The following ARHGAP35 variants were observed in gnomAD, a reference collection of about 807,000 sequenced individuals.
ARHGAP35 encodes rho GTPase-activating protein 35.
In ARHGAP35, 15 loss-of-function variants were observed where a neutral mutation model predicts 111.1. The observed-to-expected ratio is 0.13, with a 90% CI of 0.09 to 0.21. ARHGAP35 has a LOEUF of 0.21. ARHGAP35 is among the 10% of genes least tolerant of loss of function. The probability of loss-of-function intolerance (pLI) is 1.00; values close to 1 mark genes in which losing one functional copy is unlikely to be tolerated. For synonymous variants in ARHGAP35, 643 were observed against 710.3 expected (o/e 0.91, Z 1.51); for missense variants, 1,262 against 1,873.0 (o/e 0.67, Z 6.02).
At chr19:46,983,742 T>C (rs1398890302) in intron 3 of ARHGAP35, among the ~76,000 whole-genome samples, 1 of 151,042 alleles carries the variant, frequency 6.6e-6, no homozygotes, top group Non-Finnish European at 1.5e-5. Context: ...GCCTCCCGAG[T>C]AGCTGGGACT....
chr19:46,976,504 C>G (rs2056580768), intron 3 of ARHGAP35, among the ~76,000 whole-genome samples: 1 of 152,246 alleles, frequency 6.6e-6, no homozygotes, highest in African/African-American at 2.4e-5. Context: ...ACAAAGTAAC[C>G]CTGGCCTTCC....
intron 3 of ARHGAP35, among the ~76,000 whole-genome samples, chr19:46,987,016 T>TG (rs1382586133): frequency 1.3e-5 from 2 of 151,704 alleles, no homozygotes; most frequent in African/African-American, 4.8e-5. Context: ...TTAGTAGAGA[T>TG]GGGGTTTCTC....
chr19:46,974,744 G>A (rs980856145), intron 3 of ARHGAP35, among the ~76,000 whole-genome samples: 5 of 152,228 alleles, frequency 3.3e-5, no homozygotes, highest in South Asian at 4.2e-4. Context: ...CCCAGAGGTC[G>A]TGGGTGGGGC....
chr19:46,932,810 A>G (rs1016202965), intron 2 of ARHGAP35, among the ~76,000 whole-genome samples: 1 of 152,180 alleles, frequency 6.6e-6, no homozygotes, highest in Non-Finnish European at 1.5e-5. Context: ...GGGTGATGCT[A>G]CTGCAAAAGC....
At chr19:46,932,249 T>C (rs2056277115) in intron 2 of ARHGAP35, among the ~76,000 whole-genome samples, 1 of 152,226 alleles carries the variant, frequency 6.6e-6, no homozygotes, top group Non-Finnish European at 1.5e-5. Context: ...GCTACGGCAC[T>C]CCAGCTTGGG....
chr19:46,882,419 T>C (rs1372983899), intron 1 of ARHGAP35, among the ~76,000 whole-genome samples: 1 of 152,240 alleles, frequency 6.6e-6, no homozygotes, highest in Admixed American at 6.5e-5. Flanking sequence ...TTTACAGGCA[T>C]GAGCCACTAC....
At chr19:46,990,805 AC>A (rs1394729550) in intron 5 of ARHGAP35, among the ~76,000 whole-genome samples, 1 of 152,108 alleles carries the variant, frequency 6.6e-6, no homozygotes, top group East Asian at 1.9e-4. Context: ...CAAGAAGCCC[AC>A]CCCTGAACTG....
intron 3 of ARHGAP35, 137 bp from the exon 4 acceptor site, chr19:46,987,852 G>A (rs1261628076): frequency 1.5e-6 from 1 of 682,006 alleles, no homozygotes; most frequent in African/African-American, 1.8e-5. Context: ...TCAAACGAGA[G>A]TGTGCTGAGG....
At chr19:46,951,974 GC>G (rs779417019) in intron 3 of ARHGAP35, among the ~76,000 whole-genome samples, 15 of 152,222 alleles carry the variant, frequency 9.9e-5, no homozygotes, top group Non-Finnish European at 1.9e-4. Flanking sequence ...ATATAAAAAT[GC>G]AGTTAGAAGG....
intron 2 of ARHGAP35, among the ~76,000 whole-genome samples, chr19:46,925,497 G>A (rs1236832349): frequency 2.6e-5 from 4 of 152,126 alleles, no homozygotes; most frequent in African/African-American, 4.8e-5. Flanking sequence ...GATTTCAGTT[G>A]GTAAGGGAAA....
chr19:46,937,295 C>T lies in ARHGAP35; in HGVS notation c.3713C>T (p.Thr1238Ile), dbSNP rs770424489. Residue 1238 changes from threonine to isoleucine, a missense_variant, in exon 3 of 7, where the codon ACA (threonine) becomes ATA (isoleucine). Physicochemically the swap from Thr to Ile is moderately conservative, Grantham distance 89. This residue lies in a region of ARHGAP35 where 579 missense variants were observed against 716.9 expected (regional missense o/e 0.81). Coordinates refer to ENST00000672722, the MANE Select transcript of ARHGAP35 (RefSeq NM_004491.5). Reference sequence around the variant, plus strand: ...AAGCCCAAACCCCGGCCATCCATCACAAAGGCAACCTGGGAGAGTAACTAT... The same window carrying T: ...AAGCCCAAACCCCGGCCATCCATCATAAAGGCAACCTGGGAGAGTAACTAT... ...KPKPKPRPSITKATWESNYFG... is the reference protein window; with the variant it reads ...KPKPKPRPSIIKATWESNYFG... 3 of 1,613,888 alleles carry T rather than the reference C, an allele frequency of 1.9e-6. No homozygotes were observed. The highest frequency in any genetic ancestry group is 3.3e-5 in the Admixed American group (2 of 60,016).
Position 46,988,129 on chromosome 19 carries a change from G to T in ARHGAP35, c.3904+63G>T. The T allele has an allele frequency of 6.6e-7, 1 of 1,510,220 alleles. No individual in the cohort carries two copies. The highest frequency in any genetic ancestry group is 1.2e-5 in the South Asian group (1 of 86,180). The allele number at this position is 1,510,220 out of a possible 1,614,324, so 93.6% of individuals were successfully genotyped here. ...TGGTCAAGGCAGACACAGCTGCCTC[G>T]GTGAACTGTCTGTGGGGCTTCGGAG... On this transcript the variant is annotated intron_variant, in intron 4 of 6. Transcript: ENST00000672722. This position sits in a 1 kb window ranked among gnomAD's most constrained non-coding sequence, Gnocchi z 5.4.
intron 5 of ARHGAP35, among the ~76,000 whole-genome samples, chr19:46,998,641 T>C (rs2056728850): frequency 6.6e-6 from 1 of 152,250 alleles, no homozygotes; most frequent in Admixed American, 6.5e-5. Context: ...CTCATGGAAC[T>C]GGGCCTGGCG....
chr19:46,965,684 C>T (rs538832963), intron 3 of ARHGAP35, among the ~76,000 whole-genome samples: 5 of 152,092 alleles, frequency 3.3e-5, no homozygotes, highest in Non-Finnish European at 7.4e-5. Flanking sequence ...GGGGTTTCGC[C>T]ATGTTGCCCA....
intron 3 of ARHGAP35, among the ~76,000 whole-genome samples, chr19:46,984,253 G>C (rs150235015): frequency 9.2e-5 from 14 of 152,302 alleles, no homozygotes; most frequent in Admixed American, 4.6e-4. Flanking sequence ...GTGGGTGGAG[G>C]TCACTGTTGG....
At chr19:46,946,529 C>A (rs2056380443) in intron 3 of ARHGAP35, 1 of 152,150 alleles carries the variant, frequency 6.6e-6, no homozygotes, top group African/African-American at 2.4e-5. Flanking sequence ...CATTTATTTT[C>A]TTTTTCTTAT....
intron 1 of ARHGAP35, among the ~76,000 whole-genome samples, chr19:46,914,109 C>T (rs1361677398): frequency 2.6e-5 from 4 of 152,072 alleles, no homozygotes; most frequent in African/African-American, 9.7e-5. Flanking sequence ...CTTTGTTTAC[C>T]GTGTAATTCA....
At chr19:46,882,069 G>A (rs2055965166) in intron 1 of ARHGAP35, among the ~76,000 whole-genome samples, 1 of 151,936 alleles carries the variant, frequency 6.6e-6, no homozygotes, top group Non-Finnish European at 1.5e-5. Context: ...TCTGGATTAG[G>A]TTTTGGTTTA....
intron 1 of ARHGAP35, among the ~76,000 whole-genome samples, chr19:46,904,523 C>T (rs2056096115): frequency 1.3e-5 from 2 of 152,310 alleles, no homozygotes; most frequent in South Asian, 2.1e-4. Flanking sequence ...GGCTCCCAGG[C>T]GCTTCCTGTG....
Sources: gnomAD v4.1 joint callset for allele counts (sites outside exome capture counted in the v4.1 genomes callset) on GRCh38, gnomAD v4.1.1 for gene constraint, gnomAD v4.1.1 regional missense constraint, Gnocchi (gnomAD v3.1) non-coding constraint, MANE v1.5 for transcripts, NCBI Gene and HGNC (gene_info 2026-07-23, HGNC 2026-07-21) for gene names.